The following NOS1AP variants were observed in gnomAD, a reference collection of about 807,000 sequenced individuals.
NOS1AP encodes carboxyl-terminal PDZ ligand of neuronal nitric oxide synthase protein.
Under a neutral mutation model 56.2 loss-of-function variants are expected in NOS1AP, and 21 were observed. The ratio of observed to expected loss-of-function variants is 0.37; its 90% CI spans 0.26 to 0.54. The LOEUF is 0.54. NOS1AP is among the 20% of genes least tolerant of loss of function. NOS1AP has a pLI of 0.84. For missense variants in NOS1AP, 522 were observed against 657.8 expected (o/e 0.79, Z 2.26); for synonymous variants, 270 against 274.6 (o/e 0.98, Z 0.17).
chr1:162,112,033 G>A (rs762141323), intron 1 of NOS1AP, among the ~76,000 whole-genome samples: 7 of 152,152 alleles, frequency 4.6e-5, no homozygotes, highest in Non-Finnish European at 8.8e-5. Context: ...TTCGTGCTCC[G>A]ACTCTTCTCA....
At chr1:162,257,459 G>A (rs1654067538) in intron 2 of NOS1AP, among the ~76,000 whole-genome samples, 1 of 151,952 alleles carries the variant, frequency 6.6e-6, no homozygotes, top group Non-Finnish European at 1.5e-5. Flanking sequence ...GACTAGCCTG[G>A]GCAACATGAC....
intron 3 of NOS1AP, 129 bp downstream of exon 3, chr1:162,287,565 G>A: frequency 1.3e-6 from 1 of 747,008 alleles, no homozygotes; most frequent in Non-Finnish European, 2.4e-6. Context: ...TCTGCTTTGA[G>A]CAGCAATGGT....
chr1:162,181,698 G>A (rs1651269172), intron 2 of NOS1AP, among the ~76,000 whole-genome samples: 1 of 152,198 alleles, frequency 6.6e-6, no homozygotes, highest in Non-Finnish European at 1.5e-5. Context: ...TGATGGCCAG[G>A]AATGAGGGGA....
At chr1:162,169,054 C>T (rs1472240759) in intron 2 of NOS1AP, among the ~76,000 whole-genome samples, 2 of 152,214 alleles carry the variant, frequency 1.3e-5, no homozygotes, top group Admixed American at 6.5e-5. Context: ...GTCTTGCACC[C>T]TTGGCGGGGA....
At chr1:162,085,321 C>G (rs1691979011) in intron 1 of NOS1AP, among the ~76,000 whole-genome samples, 1 of 152,030 alleles carries the variant, frequency 6.6e-6, no homozygotes, top group Non-Finnish European at 1.5e-5. Context: ...GAAGGTATAT[C>G]TAGTTCATTT....
chr1:162,361,344 C>G (rs1273891833), intron 8 of NOS1AP, among the ~76,000 whole-genome samples: 2 of 152,158 alleles, frequency 1.3e-5, no homozygotes, highest in African/African-American at 2.4e-5. Flanking sequence ...AATGGGGAAA[C>G]AAAGCACAGA....
chr1:162,228,153 G>T (rs1428164558), intron 2 of NOS1AP, among the ~76,000 whole-genome samples: 2 of 152,160 alleles, frequency 1.3e-5, no homozygotes, highest in Non-Finnish European at 2.9e-5. Flanking sequence ...AGAGATAAAG[G>T]GCTGGAAAGT....
chr1:162,163,354 G>A (rs1650319523), intron 2 of NOS1AP, among the ~76,000 whole-genome samples: 1 of 152,124 alleles, frequency 6.6e-6, no homozygotes, highest in Admixed American at 6.5e-5. Flanking sequence ...TTCTTAGGGG[G>A]CGAGGTATTC....
rs1209395230 is a variant in NOS1AP, at chr1:162,102,881, A to ATT, written c.105+32599_105+32600insTT. ...ATTTTATTAATTTTTTCAAAAAACC[A>ATT]GCTACTGGATATGTTGATTTGTTTG... On this transcript the variant is annotated intron_variant, in intron 1 of 9. Coordinates refer to ENST00000361897, the MANE Select transcript of NOS1AP (RefSeq NM_014697.3). Among the ~76,000 whole-genome samples the ATT allele has an allele frequency of 3.3e-4, 50 of 152,172 alleles. No individual in the cohort carries two copies. The East Asian group carries it at 9.3e-3, about 28-fold the overall frequency.
At chr1:162,120,409 G>C (rs1333406979) in intron 1 of NOS1AP, among the ~76,000 whole-genome samples, 1 of 152,186 alleles carries the variant, frequency 6.6e-6, no homozygotes, top group Non-Finnish European at 1.5e-5. Flanking sequence ...TTGGGAACCT[G>C]GTGAAGGAAA....
At chr1:162,317,742 C>T (rs961523116) in intron 4 of NOS1AP, 2 of 152,194 alleles carry the variant, frequency 1.3e-5, no homozygotes, top group Non-Finnish European at 2.9e-5. Context: ...TTTGATTTCA[C>T]GTACTGTCCT....
intron 2 of NOS1AP, among the ~76,000 whole-genome samples, chr1:162,264,969 A>G (rs887965881): frequency 5.9e-5 from 9 of 151,538 alleles, no homozygotes; most frequent in Non-Finnish European, 1.2e-4. Context: ...ATGCACCGCT[A>G]CCGCCTGGCT....
intron 4 of NOS1AP, among the ~76,000 whole-genome samples, chr1:162,311,575 TG>T (rs1456244026): frequency 2.0e-5 from 3 of 152,074 alleles, no homozygotes; most frequent in Non-Finnish European, 4.4e-5. Flanking sequence ...TTTCACCCTT[TG>T]TTTTCTTTTT....
intron 2 of NOS1AP, among the ~76,000 whole-genome samples, chr1:162,206,512 C>T (rs892339589): frequency 2.0e-5 from 3 of 152,194 alleles, no homozygotes; most frequent in Non-Finnish European, 4.4e-5. Flanking sequence ...GACAGTCTGT[C>T]CTGAAAAGCC....
rs74125965 is a variant in NOS1AP, at chr1:162,184,450, A to G, written c.177+29974A>G. 5.8e-3 allele frequency among the ~76,000 whole-genome samples: 891 copies of G among 152,320 alleles called. 6 individuals carry two copies. Among genetic ancestry groups the G allele is most frequent in the African/African-American group, 0.021 (853 of 41,574 alleles). Reference sequence around the variant, plus strand: ...TGACACAGGGTTGCCGCAAACCTTTAATTTGTAAAACAAACAAACAAAAAA... The same window carrying G: ...TGACACAGGGTTGCCGCAAACCTTTGATTTGTAAAACAAACAAACAAAAAA... On this transcript the variant is annotated intron_variant, in intron 2 of 9. Coordinates refer to ENST00000361897, the MANE Select transcript of NOS1AP (RefSeq NM_014697.3).
intron 2 of NOS1AP, among the ~76,000 whole-genome samples, chr1:162,240,285 T>TGTGTGTGTGTG (rs1653451451): frequency 1.3e-5 from 1 of 78,078 alleles, no homozygotes; most frequent in African/African-American, 6.4e-5. Flanking sequence ...GTGTGTGTGT[T>TGTGTGTGTGTG]GAGGCATGCC....
At chr1:162,254,407 C>T (rs1437474477) in intron 2 of NOS1AP, among the ~76,000 whole-genome samples, 1 of 152,094 alleles carries the variant, frequency 6.6e-6, no homozygotes, top group Non-Finnish European at 1.5e-5. Flanking sequence ...TACCACTGTC[C>T]CATGTGACTA....
chr1:162,225,149 T>G (rs1240258604), intron 2 of NOS1AP, among the ~76,000 whole-genome samples: 8 of 152,156 alleles, frequency 5.3e-5, no homozygotes, highest in Non-Finnish European at 8.8e-5. Context: ...AGCACAAACT[T>G]TAGCCATGTC....
intron 1 of NOS1AP, among the ~76,000 whole-genome samples, chr1:162,132,130 G>A (rs1185681892): frequency 1.3e-5 from 2 of 152,216 alleles, no homozygotes; most frequent in Non-Finnish European, 2.9e-5. Context: ...TATGATCACA[G>A]TGGAGGATTA....
Sources: gnomAD v4.1 joint callset for allele counts (sites outside exome capture counted in the v4.1 genomes callset) on GRCh38, gnomAD v4.1.1 for gene constraint, MANE v1.5 for transcripts, NCBI Gene and HGNC (gene_info 2026-07-23, HGNC 2026-07-21) for gene names.